ZRANB3: variants seen among roughly 807,000 people sequenced by gnomAD.
The protein encoded by ZRANB3 is DNA annealing helicase and endonuclease ZRANB3.
A neutral mutation model predicts 133.8 loss-of-function variants in ZRANB3; 125 were observed. That is an observed-to-expected ratio of 0.93 (90% CI 0.81 to 1.08). The LOEUF (loss-of-function observed/expected upper bound fraction) is 1.08. Ranked by LOEUF, ZRANB3 falls within the 50% of genes least tolerant of loss-of-function variation. The pLI is 0.00. For synonymous variants in ZRANB3, 387 were observed against 432.7 expected, an observed-to-expected ratio of 0.89 and a Z score of 1.31; for missense variants, 1,229 against 1,275.5, an observed-to-expected ratio of 0.96 and a Z score of 0.56.
chr2:135,207,847 T>C lies in ZRANB3; in HGVS notation c.2607-11A>G, dbSNP rs1253263095. On this transcript the variant is annotated splice_polypyrimidine_tract_variant and intron_variant, in intron 18 of 20. Coordinates refer to ENST00000264159, the MANE Select transcript of ZRANB3 (RefSeq NM_032143.4). ...TCTTCAAGAAGTTTTCTACAATTGA[T>C]AAAAACACTGAATAGGTAACTAATG... is the stretch of plus-strand genomic sequence containing the variant. 4 of 1,583,974 alleles carry C rather than the reference T, an allele frequency of 2.5e-6. No individual in the cohort carries two copies. The highest frequency in any genetic ancestry group is 2.6e-6 in the Non-Finnish European group (3 of 1,160,550).
chr2:135,402,935 G>A (rs1402109837), intron 2 of ZRANB3, among the ~76,000 whole-genome samples: 1 of 151,950 alleles, frequency 6.6e-6, no homozygotes, highest in Non-Finnish European at 1.5e-5. Context: ...CATGTATTAG[G>A]CCATTCTTCC....
At chr2:135,365,692 G>C (rs1685902021) in intron 3 of ZRANB3, among the ~76,000 whole-genome samples, 2 of 152,116 alleles carry the variant, frequency 1.3e-5, no homozygotes, top group Non-Finnish European at 2.9e-5. Flanking sequence ...ATTTGCACTT[G>C]GCAAACTTGA....
At chr2:135,417,964 G>A (rs1274443689) in intron 2 of ZRANB3, among the ~76,000 whole-genome samples, 3 of 152,096 alleles carry the variant, frequency 2.0e-5, no homozygotes, top group South Asian at 2.1e-4. Context: ...CTGTTGTGGG[G>A]TGGGGGAAGC....
chr2:135,494,361 GGAAA>G (rs977577231), intron 2 of ZRANB3, among the ~76,000 whole-genome samples: 50 of 148,864 alleles, frequency 3.4e-4, no homozygotes, highest in African/African-American at 1.1e-3. Context: ...GGAAAATAAA[GGAAA>G]GAAAGAAAGG....
chr2:135,287,323 C>T (rs1681426976), intron 8 of ZRANB3, among the ~76,000 whole-genome samples: 1 of 152,176 alleles, frequency 6.6e-6, no homozygotes, highest in African/African-American at 2.4e-5. Flanking sequence ...TGACTATAAC[C>T]TTACAGTACA....
At chr2:135,306,049 C>T (rs1682677214) in intron 8 of ZRANB3, among the ~76,000 whole-genome samples, 1 of 152,144 alleles carries the variant, frequency 6.6e-6, no homozygotes, top group African/African-American at 2.4e-5. Flanking sequence ...CAACAATGTG[C>T]CTTGCAGACC....
chr2:135,528,976 T>C (rs1254116877), intron 1 of ZRANB3, among the ~76,000 whole-genome samples: 1 of 152,210 alleles, frequency 6.6e-6, no homozygotes, highest in Admixed American at 6.5e-5. Flanking sequence ...AAAGAAGACT[T>C]GACTTAGAGA....
At chr2:135,446,160 T>C (rs1413037100) in intron 2 of ZRANB3, among the ~76,000 whole-genome samples, 2 of 149,966 alleles carry the variant, frequency 1.3e-5, no homozygotes, top group Non-Finnish European at 3.0e-5. Flanking sequence ...GAGCTGAGAT[T>C]GCGCCATTGC....
chr2:135,528,571 G>A (rs545453108), intron 1 of ZRANB3, among the ~76,000 whole-genome samples: 2 of 151,940 alleles, frequency 1.3e-5, no homozygotes, highest in South Asian at 2.1e-4. Flanking sequence ...TGGCTCAGAC[G>A]AAACTCAATA....
At chr2:135,431,203 G>C (rs1275173126) in intron 2 of ZRANB3, among the ~76,000 whole-genome samples, 2 of 151,450 alleles carry the variant, frequency 1.3e-5, no homozygotes, top group Non-Finnish European at 2.9e-5. Context: ...CAAGTGGGAG[G>C]ATCACTTGAG....
At chr2:135,406,043 T>G (rs1362382858) in intron 2 of ZRANB3, among the ~76,000 whole-genome samples, 1 of 152,136 alleles carries the variant, frequency 6.6e-6, no homozygotes, top group African/African-American at 2.4e-5. Flanking sequence ...GCTGGTTTTT[T>G]GAGAAGAACA....
At chr2:135,306,858 G>A (rs1682731738) in intron 8 of ZRANB3, among the ~76,000 whole-genome samples, 2 of 151,910 alleles carry the variant, frequency 1.3e-5, no homozygotes, top group South Asian at 2.1e-4. Context: ...CAAAAGTGCT[G>A]GCGTTACAGG....
At chr2:135,371,521 A>C (rs1030593010) in intron 3 of ZRANB3, among the ~76,000 whole-genome samples, 3 of 152,194 alleles carry the variant, frequency 2.0e-5, no homozygotes, top group African/African-American at 7.2e-5. Context: ...AGAGAATACC[A>C]CAATAACCCA....
chr2:135,265,939 G>C (rs961304337), intron 11 of ZRANB3, among the ~76,000 whole-genome samples: 1 of 152,214 alleles, frequency 6.6e-6, no homozygotes, highest in African/African-American at 2.4e-5. Flanking sequence ...GCCAGGTGCA[G>C]TGGCTCATGC....
intron 17 of ZRANB3, among the ~76,000 whole-genome samples, chr2:135,216,982 TTTTATTTCA>T (rs1468271581): frequency 2.6e-5 from 4 of 152,228 alleles, no homozygotes; most frequent in Non-Finnish European, 4.4e-5. Flanking sequence ...CAACCTTTCC[TTTTATTTCA>T]TTTCCAATCA....
intron 2 of ZRANB3, among the ~76,000 whole-genome samples, chr2:135,455,390 G>A (rs751280119): frequency 6.0e-5 from 9 of 151,208 alleles, no homozygotes; most frequent in East Asian, 3.9e-4. Flanking sequence ...GTTTCGCCAC[G>A]TTGGCCAGGA....
chr2:135,526,443 C>T (rs568967458), intron 1 of ZRANB3, among the ~76,000 whole-genome samples: 2 of 152,206 alleles, frequency 1.3e-5, no homozygotes, highest in East Asian at 1.9e-4. Context: ...GGATTACAGG[C>T]GTGAGCCAAT....
At chr2:135,518,149 G>A (rs1476412580) in intron 1 of ZRANB3, among the ~76,000 whole-genome samples, 1 of 152,174 alleles carries the variant, frequency 6.6e-6, no homozygotes, top group East Asian at 1.9e-4. Context: ...CAGACTGCGT[G>A]CTGGAAGTGA....
In ZRANB3 at chr2:135,200,071, G is replaced by A; in HGVS notation, c.*271C>T. On this transcript the variant is annotated 3_prime_UTR_variant, in exon 21 of 21. Coordinates refer to ENST00000264159, the MANE Select transcript of ZRANB3 (RefSeq NM_032143.4). The stretch of plus-strand genomic sequence containing the variant: ...AATACAGTGATTAGGCATATTAGGG[G>A]TAAAGAGCTTTACAAAACATTGCTG... 2.0e-6 allele frequency: 1 copy of A among 492,454 alleles called. No homozygotes were observed. The highest frequency in any genetic ancestry group is 3.7e-6 in the Non-Finnish European group (1 of 269,368). 30.5% of individuals were successfully genotyped at this position (492,454 alleles called of 1,614,324 possible).
Sources: allele counts gnomAD v4.1 joint callset (sites outside exome capture counted in the v4.1 genomes callset), GRCh38; gene constraint gnomAD v4.1.1; transcripts MANE v1.5; gene names NCBI Gene and HGNC (gene_info 2026-07-23, HGNC 2026-07-21).